The following C6 variants were observed in gnomAD, a reference collection of about 807,000 sequenced individuals.
C6 encodes the protein complement C6, also known as complement component C6.
A neutral mutation model predicts 112.9 loss-of-function variants in C6; 101 were observed. The ratio of observed to expected loss-of-function variants is 0.89; its 90% CI spans 0.76 to 1.06. C6 has a LOEUF of 1.06. Ranked by LOEUF, C6 falls within the 50% of genes least tolerant of loss-of-function variation. The pLI is 0.00. For synonymous variants in C6, 431 were observed against 384.1 expected (o/e 1.12, Z -1.43); for missense variants, 1,202 against 1,104.6 (o/e 1.09, Z -1.25).
chr5:41,254,449 C>T (rs1460518633), intron 1 of C6, among the ~76,000 whole-genome samples: 2 of 152,052 alleles, frequency 1.3e-5, no homozygotes, highest in African/African-American at 2.4e-5. Flanking sequence ...TTTGTCTTCT[C>T]CTTAGCTAGT....
In C6 at chr5:41,213,391, G is replaced by A. The variant is rs1432062129; in HGVS notation, c.-36C>T. On this transcript the variant is annotated 5_prime_UTR_variant, in exon 1 of 18. Transcript: ENST00000337836. ...TATTACTCACCTTTAAGCAGAGTTT[G>A]TGGTGTCCTCGGACCTAAGCTGCAA... 9 of 984,246 alleles carry A rather than the reference G, an allele frequency of 9.1e-6. No individual in the cohort carries two copies. Among genetic ancestry groups the A allele is most frequent in the South Asian group, 4.7e-5 (1 of 21,258 alleles). 61.0% of individuals were successfully genotyped at this position (984,246 alleles called of 1,614,324 possible).
At chr5:41,206,378 A>C (rs897545652) in intron 1 of C6, among the ~76,000 whole-genome samples, 2 of 152,226 alleles carry the variant, frequency 1.3e-5, no homozygotes, top group Non-Finnish European at 2.9e-5. Flanking sequence ...AATGACTTTG[A>C]CCAGCTGAGA....
chr5:41,195,693 G>T, intron 5 of C6, 99 bp downstream of exon 5: 1 of 1,277,862 alleles, frequency 7.8e-7, no homozygotes, highest in Non-Finnish European at 1.1e-6. Context: ...GTAGTAAGAA[G>T]TTAATGAGGA....
At chr5:41,234,265 C>A (rs1740093026) in intron 1 of C6, among the ~76,000 whole-genome samples, 1 of 151,616 alleles carries the variant, frequency 6.6e-6, no homozygotes, top group South Asian at 2.1e-4. Context: ...GATAGAAATT[C>A]CACTTTCCAA....
intron 7 of C6, among the ~76,000 whole-genome samples, chr5:41,180,012 T>C (rs1185519387): frequency 4.6e-5 from 7 of 152,144 alleles, no homozygotes; most frequent in African/African-American, 1.7e-4. Context: ...GAATTAAAAA[T>C]GCGTATATGA....
rs184169749 is a variant in C6, at chr5:41,155,074, C to G, written c.1999G>C (p.Asp667His). 1,174 of 1,613,666 alleles carry G rather than the reference C, an allele frequency of 7.3e-4. 1 individual carries two copies. The highest frequency in any genetic ancestry group is 9.2e-4 in the Non-Finnish European group (1,087 of 1,179,672). ...CCAGTAAGGCATGAAATTTCAACATCTTCTCCAACCAAGTATAGTTGCTTT... is the reference window on the plus strand; with the variant it reads ...CCAGTAAGGCATGAAATTTCAACATGTTCTCCAACCAAGTATAGTTGCTTT... ...NEKQLYLVGE[D>H]VEISCLTGFE... is the part of the protein sequence containing the mutation. The change falls in exon 14 of 18, where the codon GAT becomes CAT. Residue 667 changes from aspartate to histidine, a missense_variant. Physicochemically the swap from Asp to His is moderately conservative, Grantham distance 81. Coordinates refer to ENST00000337836, the MANE Select transcript of C6 (RefSeq NM_000065.5).
At position 41,149,349 on chromosome 5, in the gene C6, C is replaced by G; in HGVS notation, c.2515G>C (p.Asp839His). The G allele has an allele frequency of 6.2e-7, 1 of 1,614,068 alleles. No individual in the cohort carries two copies. Among genetic ancestry groups the G allele is most frequent in the Non-Finnish European group, 8.5e-7 (1 of 1,179,982 alleles). ...AGACCCCATTCTAACTGGCGGCCGT[C>G]TTGGCAGGAACCAATATGTAGAAAA... ...LHFLHIGSCQ[D>H]GRQLEWGLER... Residue 839 changes from aspartate to histidine, a missense_variant, in exon 17 of 18, where the codon GAC becomes CAC. Coordinates refer to ENST00000337836, the MANE Select transcript of C6 (RefSeq NM_000065.5).
chr5:41,158,684 C>T lies in C6; in HGVS notation c.1958G>A (p.Gly653Glu). Residue 653 changes from glycine to glutamate, a missense_variant, in exon 13 of 18, where the codon GGA becomes GAA. Coordinates refer to ENST00000337836, the MANE Select transcript of C6 (RefSeq NM_000065.5). ...GCPQPVPPEN[G>E]FIRNEKQLYL... Reference sequence around the variant, plus strand: ...GTTTAGGATGCTGACCCGGATAAATCCATTTTCTGGAGGAACTGGCTGAGG... The same window carrying T: ...GTTTAGGATGCTGACCCGGATAAATTCATTTTCTGGAGGAACTGGCTGAGG... 1 of 1,599,888 alleles carries T rather than the reference C, an allele frequency of 6.3e-7. No individual in the cohort carries two copies. Among genetic ancestry groups the T allele is most frequent in the Non-Finnish European group, 8.6e-7 (1 of 1,167,188 alleles).
At chr5:41,251,594 G>A (rs184443374) in intron 1 of C6, among the ~76,000 whole-genome samples, 1 of 152,260 alleles carries the variant, frequency 6.6e-6, no homozygotes, top group Non-Finnish European at 1.5e-5. Context: ...AAGGACCTAG[G>A]TCTTCGAATT....
chr5:41,186,617 T>TAAC (rs1749790306), intron 5 of C6, among the ~76,000 whole-genome samples: 1 of 152,100 alleles, frequency 6.6e-6, no homozygotes, highest in Non-Finnish European at 1.5e-5. Flanking sequence ...AATAAAATAG[T>TAAC]AACAGCAATA....
At chr5:41,216,055 G>T (rs967850378), upstream of C6, among the ~76,000 whole-genome samples, 1 of 152,014 alleles carries the variant, frequency 6.6e-6, no homozygotes, top group Non-Finnish European at 1.5e-5. Flanking sequence ...ATTTCAATTG[G>T]GGGATCATAG....
chr5:41,196,320 GAC>G (rs538505165), intron 4 of C6, among the ~76,000 whole-genome samples: 4 of 151,876 alleles, frequency 2.6e-5, no homozygotes, highest in Non-Finnish European at 4.4e-5. Context: ...TAACTTTATA[GAC>G]ACACACACAG....
At chr5:41,162,275 C>A (rs1047826161) in intron 9 of C6, among the ~76,000 whole-genome samples, 1 of 152,184 alleles carries the variant, frequency 6.6e-6, no homozygotes. Context: ...ATGTCAACCG[C>A]CCTGCTTCTG....
intron 17 of C6, among the ~76,000 whole-genome samples, chr5:41,147,994 A>C (rs1745998711): frequency 6.6e-6 from 1 of 152,192 alleles, no homozygotes; most frequent in South Asian, 2.1e-4. Context: ...TCTTTACTAT[A>C]TGTTCTAGGA....
At position 41,160,166 on chromosome 5, in the gene C6, T is replaced by G. The variant is rs748341860; in HGVS notation, c.1660A>C (p.Lys554Gln). Residue 554 changes from lysine to glutamine, a missense_variant, in exon 11 of 18, where the codon AAA becomes CAA. Transcript: ENST00000337836. Reference sequence around the variant, plus strand: ...CTGGATTTATAATCTGGAGACTGTTTCTCACAGTTCTCACCATAGGTGCCA... The same window carrying G: ...CTGGATTTATAATCTGGAGACTGTTGCTCACAGTTCTCACCATAGGTGCCA... ...QSGTYGENCE[K>Q]QSPDYKSNAV... 3 of 1,612,766 alleles carry G rather than the reference T, an allele frequency of 1.9e-6. No individual in the cohort carries two copies. The highest frequency in any genetic ancestry group is 2.5e-6 in the Non-Finnish European group (3 of 1,178,788).
At chr5:41,236,201 A>T in intron 1 of C6, among the ~76,000 whole-genome samples, 1 of 106,486 alleles carries the variant, frequency 9.4e-6, no homozygotes, top group Non-Finnish European at 1.9e-5. Context: ...TAGGGTTTTT[A>T]TGGTTTTAGG....
intron 1 of C6, among the ~76,000 whole-genome samples, chr5:41,255,513 T>A (rs976501881): frequency 6.6e-6 from 1 of 152,106 alleles, no homozygotes. Flanking sequence ...TACAAGTGTG[T>A]CTTATGGAAT....
At chr5:41,238,430 C>G (rs1184620900) in intron 1 of C6, among the ~76,000 whole-genome samples, 5 of 152,148 alleles carry the variant, frequency 3.3e-5, no homozygotes, top group African/African-American at 1.2e-4. Flanking sequence ...TGCCACATAT[C>G]TCATTCTTTA....
rs148264070 is a variant in C6 at position 41,193,989 on chromosome 5, C to T, written c.587+1803G>A. 6.7e-4 allele frequency among the ~76,000 whole-genome samples: 102 copies of T among 152,228 alleles called. 2 individuals are homozygous for T. The highest frequency in any genetic ancestry group is 2.1e-3 in the East Asian group (11 of 5,162). On this transcript the variant is annotated intron_variant, in intron 5 of 17. Coordinates refer to ENST00000337836, the MANE Select transcript of C6 (RefSeq NM_000065.5). ...TCATTTCTCAGAATCACTGGGACAACAGCTCTGGTTGGCAGAGGGCCACGT... is the reference window on the plus strand; with the variant it reads ...TCATTTCTCAGAATCACTGGGACAATAGCTCTGGTTGGCAGAGGGCCACGT...
Sources: allele counts gnomAD v4.1 joint callset (sites outside exome capture counted in the v4.1 genomes callset), GRCh38; gene constraint gnomAD v4.1.1; transcripts MANE v1.5; gene names NCBI Gene and HGNC (gene_info 2026-07-23, HGNC 2026-07-21).